The following LHFPL2 variants were observed in gnomAD, a reference collection of about 807,000 sequenced individuals.
LHFPL2 encodes the protein LHFPL tetraspan subfamily member 2 protein.
Under a neutral mutation model 17.5 loss-of-function variants are expected in LHFPL2, and 7 were observed. The observed-to-expected ratio is 0.40, with a 90% CI of 0.23 to 0.75. LHFPL2 has a LOEUF of 0.75. LHFPL2 is among the 30% of genes least tolerant of loss of function. The probability of loss-of-function intolerance (pLI) is 0.37; values close to 1 mark genes in which losing one functional copy is unlikely to be tolerated. For synonymous variants in LHFPL2, 134 were observed against 116.2 expected (o/e 1.15, Z -0.99); for missense variants, 241 against 294.8 (o/e 0.82, Z 1.34).
At chr5:78,547,104 C>A (rs993540472) in intron 3 of LHFPL2, among the ~76,000 whole-genome samples, 2 of 152,036 alleles carry the variant, frequency 1.3e-5, no homozygotes, top group Admixed American at 6.6e-5. Context: ...GAAAGTGGAA[C>A]ACTCTGTGGA....
At chr5:78,501,380 G>A (rs1446602335) in intron 4 of LHFPL2, among the ~76,000 whole-genome samples, 1 of 152,134 alleles carries the variant, frequency 6.6e-6, no homozygotes, top group Non-Finnish European at 1.5e-5. Flanking sequence ...AGCACAGAGT[G>A]GACCAGCACT....
chr5:78,511,266 T>C (rs955401584), intron 3 of LHFPL2, among the ~76,000 whole-genome samples: 3 of 152,254 alleles, frequency 2.0e-5, no homozygotes, highest in African/African-American at 4.8e-5. Flanking sequence ...ATTCATCCCA[T>C]GTGCCTCTGC....
At chr5:78,522,418 CAG>C (rs1270857549) in intron 3 of LHFPL2, among the ~76,000 whole-genome samples, 1 of 152,102 alleles carries the variant, frequency 6.6e-6, no homozygotes, top group African/African-American at 2.4e-5. Context: ...GCCTGGGTGA[CAG>C]AGTGAGACTC....
At chr5:78,498,057 G>T (rs1318349502) in intron 4 of LHFPL2, among the ~76,000 whole-genome samples, 1 of 152,204 alleles carries the variant, frequency 6.6e-6, no homozygotes, top group East Asian at 1.9e-4. Context: ...GAAAGGACAG[G>T]TGAGAGAAGA....
chr5:78,517,713 C>T (rs1042194017), intron 3 of LHFPL2, among the ~76,000 whole-genome samples: 3 of 152,154 alleles, frequency 2.0e-5, no homozygotes, highest in Non-Finnish European at 4.4e-5. Flanking sequence ...GATTCAATTA[C>T]CTCCCATTGG....
intron 2 of LHFPL2, among the ~76,000 whole-genome samples, chr5:78,584,157 T>C (rs1743272704): frequency 6.7e-6 from 1 of 150,032 alleles, no homozygotes; most frequent in Admixed American, 6.6e-5. Flanking sequence ...CACTTCTCTG[T>C]ATTGGTTATT....
chr5:78,555,970 A>T (rs1756562581), intron 3 of LHFPL2, among the ~76,000 whole-genome samples: 1 of 152,108 alleles, frequency 6.6e-6, no homozygotes, highest in Admixed American at 6.5e-5. Flanking sequence ...TAGAAGTTAT[A>T]CCCTGTCTGC....
chr5:78,610,133 AC>A (rs1227020041), intron 2 of LHFPL2, among the ~76,000 whole-genome samples: 1 of 151,840 alleles, frequency 6.6e-6, no homozygotes, highest in African/African-American at 2.4e-5. Flanking sequence ...CACTCAAGTC[AC>A]CCCACCCCAG....
Position 78,538,204 on chromosome 5 carries a change from T to A in LHFPL2, c.-186+26609A>T, listed in dbSNP as rs1041597243. ...GTGGGCTGCAGTCACCTGATGTAGA[T>A]TGACAAAGTGAGACACACTTGCTGC... On this transcript the variant is annotated intron_variant, in intron 3 of 4. Coordinates refer to ENST00000380345, the MANE Select transcript of LHFPL2 (RefSeq NM_005779.3). Among the ~76,000 whole-genome samples, 2 of 152,210 alleles carry A rather than the reference T, an allele frequency of 1.3e-5. 1 individual carries two copies. Among genetic ancestry groups the A allele is most frequent in the South Asian group, 4.1e-4 (2 of 4,828 alleles).
At chr5:78,593,152 C>CG (rs144385433) in intron 2 of LHFPL2, among the ~76,000 whole-genome samples, 1 of 152,084 alleles carries the variant, frequency 6.6e-6, no homozygotes, top group African/African-American at 2.4e-5. Context: ...CTGACATTCA[C>CG]GGGGGGCGAA....
chr5:78,610,401 A>G (rs1744377984), intron 2 of LHFPL2, among the ~76,000 whole-genome samples: 1 of 152,228 alleles, frequency 6.6e-6, no homozygotes, highest in African/African-American at 2.4e-5. Context: ...CCACTTTTCC[A>G]TAGATGGAGC....
chr5:78,609,450 C>CAAAAAAAAAAAAAAAAAAAAA (rs71613975), intron 2 of LHFPL2, among the ~76,000 whole-genome samples: 4 of 40,682 alleles, frequency 9.8e-5, no homozygotes, highest in African/African-American at 3.4e-4. Context: ...GACTCAGTCT[C>CAAAAAAAAAAAAAAAAAAAAA]AAAAAAAAAA....
At chr5:78,513,402 A>G (rs968229623) in intron 3 of LHFPL2, among the ~76,000 whole-genome samples, 4 of 152,198 alleles carry the variant, frequency 2.6e-5, no homozygotes, top group African/African-American at 7.2e-5. Context: ...TCACACCCAT[A>G]CAAGATTGGC....
chr5:78,498,870 T>A (rs764185953), intron 4 of LHFPL2, among the ~76,000 whole-genome samples: 3 of 152,244 alleles, frequency 2.0e-5, no homozygotes, highest in African/African-American at 7.2e-5. Flanking sequence ...GTGACATAGA[T>A]GCACTTGTCC....
intron 2 of LHFPL2, among the ~76,000 whole-genome samples, chr5:78,619,308 G>A (rs932696151): frequency 6.6e-6 from 1 of 152,100 alleles, no homozygotes; most frequent in Non-Finnish European, 1.5e-5. Flanking sequence ...GATTACAGGA[G>A]TGAGCCATGG....
At chr5:78,571,189 T>C (rs1370960975) in intron 2 of LHFPL2, among the ~76,000 whole-genome samples, 4 of 152,188 alleles carry the variant, frequency 2.6e-5, no homozygotes, top group Non-Finnish European at 5.9e-5. Flanking sequence ...TGCTGCACAC[T>C]GCCCATCACA....
intron 1 of LHFPL2, among the ~76,000 whole-genome samples, chr5:78,647,221 G>T (rs192938120): frequency 1.6e-3 from 247 of 152,178 alleles, no homozygotes; most frequent in Non-Finnish European, 2.7e-3. Flanking sequence ...CTCTTCCCGC[G>T]AACATGTGTT....
chr5:78,597,064 G>GTTTCC (rs1743850285), intron 2 of LHFPL2, among the ~76,000 whole-genome samples: 1 of 152,190 alleles, frequency 6.6e-6, no homozygotes, highest in African/African-American at 2.4e-5. Flanking sequence ...CTCAGCCATT[G>GTTTCC]TTTCCATATC....
At position 78,516,833 on chromosome 5, in the gene LHFPL2, G is replaced by C. The variant is rs1755306863; in HGVS notation, c.-185-6435C>G. On this transcript the variant is annotated intron_variant, in intron 3 of 4. Coordinates refer to ENST00000380345, the MANE Select transcript of LHFPL2 (RefSeq NM_005779.3). ...GTGCCCTTGAGCCTGTCTTTCCTGG[G>C]GTCCTGGGTGGTCTCTGCATCACAC... 2.0e-5 allele frequency among the ~76,000 whole-genome samples: 3 copies of C among 152,132 alleles called. No homozygotes were observed. The South Asian group carries it at 6.2e-4, about 31-fold the overall frequency.
Sources: gnomAD v4.1 joint callset for allele counts (sites outside exome capture counted in the v4.1 genomes callset) on GRCh38, gnomAD v4.1.1 for gene constraint, MANE v1.5 for transcripts, NCBI Gene and HGNC (gene_info 2026-07-23, HGNC 2026-07-21) for gene names.